Variants in KCP observed in about 807,000 individuals in gnomAD.
The protein encoded by KCP is kielin/chordin-like protein.
A neutral mutation model predicts 212.7 loss-of-function variants in KCP; 194 were observed. The ratio of observed to expected loss-of-function variants is 0.91; its 90% confidence interval spans 0.81 to 1.03. KCP has a LOEUF of 1.03. Ranked by LOEUF, KCP falls within the 50% of genes least tolerant of loss-of-function variation. KCP has a pLI of 0.00. For missense variants in KCP, 2,080 were observed against 2,162.5 expected, an observed-to-expected ratio of 0.96 and a Z score of 0.76; for synonymous variants, 833 against 865.3, an observed-to-expected ratio of 0.96 and a Z score of 0.65.
At position 128,877,184 on chromosome 7, in the gene KCP, G is replaced by T. The variant is rs150127438; in HGVS notation, c.4746C>A (p.Pro1582=). 22 of 1,486,006 alleles carry T rather than the reference G, an allele frequency of 1.5e-5. No individual in the cohort carries two copies. In the African/African-American group the frequency reaches 3.0e-4, roughly 20 times the overall value. 92.1% of individuals were successfully genotyped at this position (1,486,006 alleles called of 1,614,324 possible). A position where few individuals can be genotyped will look rare whatever the true frequency, so the allele number is the denominator to read the frequency against. Residue 1582 remains proline (P), a synonymous_variant, in exon 40 of 40, where the codon CCC becomes CCA. Coordinates refer to ENST00000610776, the MANE Select transcript of KCP (RefSeq NM_001366122.1). The stretch of plus-strand genomic sequence containing the variant: ...CCAGGCCTGCAGGGCACTGGCAGCC[G>T]GGCACGCAGGGCCTCACGCAGTGGG... The part of the protein sequence containing the change: ...LAAHCVRPCV[P]GCQCPAGLVE...
At chr7:128,888,119 T>TACACACAC (rs199831809) in intron 22 of KCP, among the ~76,000 whole-genome samples, 9 of 117,928 alleles carry the variant, frequency 7.6e-5, no homozygotes, top group African/African-American at 2.2e-4. Flanking sequence ...GCTACAGCCA[T>TACACACAC]ACACACACAC....
intron 5 of KCP, 112 bp from the exon 6 acceptor site, chr7:128,904,250 T>TGGCGGGGCAG (rs1795009708): frequency 6.5e-7 from 1 of 1,537,492 alleles, no homozygotes; most frequent in Non-Finnish European, 8.8e-7. Context: ...GTTGAAGGGA[T>TGGCGGGGCAG]GGCGGGGCAG....
rs1334447681 is a variant in KCP, at chr7:128,894,002, C to A, written c.979G>T (p.Asp327Tyr). The A allele has an allele frequency of 6.5e-7, 1 of 1,550,042 alleles. No homozygotes were observed. The highest frequency in any genetic ancestry group is 8.7e-7 in the Non-Finnish European group (1 of 1,146,400). The change falls in exon 10 of 40, where the codon GAC becomes TAC. Residue 327 changes from aspartate (D) to tyrosine (Y), a missense_variant. Physicochemically the swap from Asp to Tyr is radical, Grantham distance 160 (BLOSUM62 -3). Transcript: ENST00000610776. ...GCACAGCGGCAGTGCGAGCAGGGGTCCCCTGAGCCCACAGGCTCCCCGCTG... is the reference window on the plus strand; with the variant it reads ...GCACAGCGGCAGTGCGAGCAGGGGTACCCTGAGCCCACAGGCTCCCCGCTG... ...HRSGEPVGSG[D>Y]PCSHCRCANG...
chr7:128,880,596 C>G (rs1318075662), intron 33 of KCP, 23 bp downstream of exon 33: 2 of 1,298,848 alleles, frequency 1.5e-6, no homozygotes, highest in Non-Finnish European at 2.0e-6. Flanking sequence ...GCTTACCCCT[C>G]CCCCATCACC....
At position 128,885,275 on chromosome 7, in the gene KCP, G is replaced by T. The variant is rs1397295476; in HGVS notation, c.2867-5C>A. ...CTTCCCCATGAGCCAGGCAGCCTGT[G>T]GTGCAAAGTGGGCAGGGACGAGCTC... is the stretch of plus-strand genomic sequence containing the variant. On this transcript the variant is annotated splice_polypyrimidine_tract_variant and splice_region_variant and intron_variant, in intron 26 of 39. Transcript: ENST00000610776. 1.3e-6 allele frequency: 2 copies of T among 1,538,958 alleles called. No individual in the cohort carries two copies. The highest frequency in any genetic ancestry group is 1.8e-6 in the Non-Finnish European group (2 of 1,138,050).
chr7:128,895,738 G>A (rs895559126), intron 8 of KCP, among the ~76,000 whole-genome samples: 4 of 152,308 alleles, frequency 2.6e-5, no homozygotes, highest in Admixed American at 6.5e-5. Context: ...ACCTCTGGTC[G>A]TCCTCACTGC....
At chr7:128,880,232 A>G (rs1793243233) in intron 34 of KCP, 147 bp from the exon 35 acceptor site, 1 of 1,279,206 alleles carries the variant, frequency 7.8e-7, no homozygotes, top group Admixed American at 2.7e-5. Context: ...AGGTCAGGGC[A>G]CCACATCGTG....
intron 5 of KCP, among the ~76,000 whole-genome samples, chr7:128,905,351 T>C (rs550736900): frequency 6.6e-6 from 1 of 152,280 alleles, no homozygotes; most frequent in South Asian, 2.1e-4. Context: ...ATTTGCTAAA[T>C]CTGGCAACAC....
intron 1 of KCP, among the ~76,000 whole-genome samples, chr7:128,909,910 G>A (rs1390448395): frequency 6.6e-6 from 1 of 152,164 alleles, no homozygotes; most frequent in Non-Finnish European, 1.5e-5. Flanking sequence ...TCCTTCCCAA[G>A]CACACAGAGG....
Position 128,893,275 on chromosome 7 carries a change from G to C in KCP, c.1230C>G (p.Pro410=). 2 of 1,551,456 alleles carry C rather than the reference G, an allele frequency of 1.3e-6. No individual in the cohort carries two copies. The highest frequency in any genetic ancestry group is 2.4e-5 in the East Asian group (1 of 40,912). ...SCEEQECPVT[P]CALPASGRQL... The stretch of plus-strand genomic sequence containing the variant: ...GGCGGCCAGAGGCAGGCAGGGCACA[G>C]GGGGTGACTGGGCACTCCTGCTCCT... Residue 410 remains proline, a synonymous_variant, in exon 13 of 40, where the codon CCC becomes CCG. Coordinates refer to ENST00000610776, the MANE Select transcript of KCP (RefSeq NM_001366122.1).
At position 128,885,083 on chromosome 7, in the gene KCP, C is replaced by T; in HGVS notation, c.3040+14G>A. 1.9e-6 allele frequency: 3 copies of T among 1,550,676 alleles called. No homozygotes were observed. The highest frequency in any genetic ancestry group is 2.0e-5 in the Admixed American group (1 of 51,014). On this transcript the variant is annotated intron_variant, in intron 27 of 39. Coordinates refer to ENST00000610776, the MANE Select transcript of KCP (RefSeq NM_001366122.1). ...CCTCCTCGCCTTTCCCCTCCCGCCC[C>T]AGGCTTCCAGTACCAGAGCATTGAG...
At chr7:128,894,886 G>C (rs926029094) in intron 8 of KCP, among the ~76,000 whole-genome samples, 2 of 152,166 alleles carry the variant, frequency 1.3e-5, no homozygotes, top group African/African-American at 4.8e-5. Flanking sequence ...GGGTTTACAG[G>C]TGTGAGCCAC....
chr7:128,904,669 C>A (rs1306981359), intron 5 of KCP, among the ~76,000 whole-genome samples: 1 of 152,226 alleles, frequency 6.6e-6, no homozygotes, highest in Non-Finnish European at 1.5e-5. Context: ...ACACAGGGCC[C>A]TGGATGCCAT....
chr7:128,891,609 C>T (rs1794144115), intron 17 of KCP, 37 bp downstream of exon 17: 1 of 1,506,600 alleles, frequency 6.6e-7, no homozygotes, highest in Non-Finnish European at 8.9e-7. Context: ...GCCATGCCAT[C>T]CCATCCCAGA....
rs565123061 is a variant in KCP, at chr7:128,907,399, C to T, written c.274G>A (p.Ala92Thr). The change falls in exon 3 of 40, where the codon GCA becomes ACA. Residue 92 changes from alanine to threonine, a missense_variant. Ala to Thr is a moderately conservative substitution (Grantham distance 58). Coordinates refer to ENST00000610776, the MANE Select transcript of KCP (RefSeq NM_001366122.1). The stretch of plus-strand genomic sequence containing the variant: ...CCCAGCCCCCAGCACTGGGGAGATG[C>T]AGGGTGGCACTCACAGGACTCCAGC... ...RQLESCECHP[A>T]SPQCWGLGRA... 7.2e-6 allele frequency: 11 copies of T among 1,525,712 alleles called. No individual in the cohort carries two copies. Among genetic ancestry groups the T allele is most frequent in the Non-Finnish European group, 9.8e-6 (11 of 1,127,638 alleles). The allele number at this position is 1,525,712 out of a possible 1,614,324, so 94.5% of individuals were successfully genotyped here.
At chr7:128,884,636 G>A in intron 28 of KCP, 145 bp downstream of exon 28, 1 of 765,888 alleles carries the variant, frequency 1.3e-6, no homozygotes, top group African/African-American at 1.7e-5. Context: ...CCCCAACCCT[G>A]CCTTGTCTCC....
Position 128,892,500 on chromosome 7 carries a change from G to A in KCP, c.1621+14C>T. 1 of 1,502,428 alleles carries A rather than the reference G, an allele frequency of 6.7e-7. No individual in the cohort carries two copies. The allele number at this position is 1,502,428 out of a possible 1,614,324, so 93.1% of individuals were successfully genotyped here. ...GGGCCCTGATCCCCTCAGGCCCAGT[G>A]AGTGCCCACATACCTGGGCACCTGG... On this transcript the variant is annotated intron_variant, in intron 16 of 39. Transcript: ENST00000610776.
rs1360001859 is a variant in KCP, at chr7:128,885,412, A to G, written c.2867-142T>C. ...ATGGCGGGAAGGTGCGATGGGGCAG[A>G]ACTCCTGTCTGTTGTGGAGGGGAAA... is the stretch of plus-strand genomic sequence containing the variant. On this transcript the variant is annotated intron_variant, in intron 26 of 39. Transcript: ENST00000610776. The G allele has an allele frequency of 1.9e-5, 15 of 807,136 alleles. No individual in the cohort carries two copies. In the Admixed American group the frequency reaches 3.9e-4, roughly 21 times the overall value. The allele number at this position is 807,136 out of a possible 1,614,324, so 50.0% of individuals were successfully genotyped here.
At chr7:128,878,287 A>G (rs1000680947) in intron 38 of KCP, among the ~76,000 whole-genome samples, 1 of 151,750 alleles carries the variant, frequency 6.6e-6, no homozygotes, top group African/African-American at 2.4e-5. Flanking sequence ...CAAACTCCCA[A>G]CCTCAGGTGA....
Sources: allele counts gnomAD v4.1 joint callset (sites outside exome capture counted in the v4.1 genomes callset), GRCh38; gene constraint gnomAD v4.1.1; transcripts MANE v1.5; gene names NCBI Gene and HGNC (gene_info 2026-07-23, HGNC 2026-07-21).